Variants in CLEC16A observed in about 807,000 individuals in gnomAD.
CLEC16A encodes C-type lectin domain containing 16A, also known as protein CLEC16A.
Under a neutral mutation model 109.5 loss-of-function variants are expected in CLEC16A, and 51 were observed. That is an observed-to-expected ratio of 0.47 (90% CI 0.37 to 0.59). The LOEUF (loss-of-function observed/expected upper bound fraction) is 0.59, where lower values mean the gene tolerates loss of function less well. Among genes scored for constraint, CLEC16A ranks in the 20% least tolerant of loss-of-function variants. The pLI is 0.00. For synonymous variants in CLEC16A, 673 were observed against 564.2 expected (o/e 1.19, Z -2.73); for missense variants, 1,339 against 1,394.0 (o/e 0.96, Z 0.63).
intron 19 of CLEC16A, among the ~76,000 whole-genome samples, chr16:11,102,047 G>T (rs1252314436): frequency 6.8e-6 from 1 of 147,794 alleles, no homozygotes; most frequent in African/African-American, 2.5e-5. Context: ...TCTTGGGCTT[G>T]AGCAATCTGC....
chr16:10,971,008 A>ATTTT (rs35498388), intron 4 of CLEC16A, 117 bp from the exon 5 acceptor site: 23 of 506,952 alleles, frequency 4.5e-5, no homozygotes, highest in South Asian at 1.5e-4. Context: ...CATTGGCAAC[A>ATTTT]TTTTTTTTTT....
chr16:10,983,303 A>G (rs949074205), intron 10 of CLEC16A, among the ~76,000 whole-genome samples: 1 of 152,206 alleles, frequency 6.6e-6, no homozygotes, highest in Non-Finnish European at 1.5e-5. Flanking sequence ...AGAGGAACTA[A>G]TGTCTACAGA....
intron 19 of CLEC16A, among the ~76,000 whole-genome samples, chr16:11,110,085 C>A (rs755632852): frequency 6.6e-6 from 1 of 152,178 alleles, no homozygotes; most frequent in Non-Finnish European, 1.5e-5. Context: ...TGGGCTACAG[C>A]CTGTCAGAGG....
chr16:10,955,859 G>A (rs375344118), intron 1 of CLEC16A, among the ~76,000 whole-genome samples: 62 of 152,308 alleles, frequency 4.1e-4, no homozygotes, highest in African/African-American at 1.5e-3. Context: ...GGAGTGGTGC[G>A]GTGACTGTCA....
intron 22 of CLEC16A, among the ~76,000 whole-genome samples, chr16:11,145,651 C>CATACGAAG (rs2054021871): frequency 6.6e-6 from 1 of 152,254 alleles, no homozygotes; most frequent in Non-Finnish European, 1.5e-5. Context: ...GGGCTGTGCC[C>CATACGAAG]CCATCAGTCT....
At chr16:11,158,025 C>G (rs1223490051) in intron 22 of CLEC16A, among the ~76,000 whole-genome samples, 1 of 152,148 alleles carries the variant, frequency 6.6e-6, no homozygotes, top group African/African-American at 2.4e-5. Flanking sequence ...AAGTCCCAGA[C>G]TTAGTCACCT....
chr16:11,119,329 A>G (rs1191500308), intron 19 of CLEC16A, among the ~76,000 whole-genome samples: 1 of 152,174 alleles, frequency 6.6e-6, no homozygotes, highest in Non-Finnish European at 1.5e-5. Flanking sequence ...TACCAGTACC[A>G]TGCTGTGTTG....
At chr16:10,950,238 A>G (rs1251970177) in intron 1 of CLEC16A, among the ~76,000 whole-genome samples, 3 of 152,074 alleles carry the variant, frequency 2.0e-5, no homozygotes, top group Admixed American at 6.6e-5. Context: ...TTTTCTCCCA[A>G]TTTGAACATA....
chr16:10,986,724 A>G (rs2043680829), intron 10 of CLEC16A, among the ~76,000 whole-genome samples: 1 of 95,736 alleles, frequency 1.0e-5, no homozygotes, highest in Non-Finnish European at 2.0e-5. Flanking sequence ...TATTTCTTTA[A>G]GGCTCAATGT....
intron 19 of CLEC16A, among the ~76,000 whole-genome samples, chr16:11,086,593 A>G (rs1489267321): frequency 6.6e-6 from 1 of 152,040 alleles, no homozygotes; most frequent in Non-Finnish European, 1.5e-5. Context: ...CCCAGGCTGG[A>G]GTGCAGTGTC....
At chr16:10,959,906 C>A (rs2042177693) in intron 2 of CLEC16A, among the ~76,000 whole-genome samples, 1 of 152,028 alleles carries the variant, frequency 6.6e-6, no homozygotes, top group Admixed American at 6.6e-5. Context: ...AGCTACTGCA[C>A]CCTGCCTAGA....
intron 22 of CLEC16A, among the ~76,000 whole-genome samples, chr16:11,136,905 C>T (rs991332091): frequency 3.9e-5 from 6 of 152,236 alleles, no homozygotes; most frequent in African/African-American, 1.2e-4. Context: ...TGTCATTCCT[C>T]AGTGCCCAGT....
In CLEC16A at chr16:11,123,768, C is replaced by T. The variant is rs145100064; in HGVS notation, c.2295C>T (p.Asp765=). ...LQDMQVTGVE[D]DSRALNITIH... is the part of the protein sequence containing the mutation. ...ACATGCAGGTGACTGGCGTGGAGGA[C>T]GACAGCCGTGCCCTGAACATCACCA... is the stretch of plus-strand genomic sequence containing the variant. The change falls in exon 21 of 24, where the codon GAC becomes GAT. Residue 765 remains aspartate (D), a synonymous_variant. Coordinates refer to ENST00000409790, the MANE Select transcript of CLEC16A (RefSeq NM_015226.3). The T allele has an allele frequency of 2.5e-5, 40 of 1,613,914 alleles. No individual in the cohort carries two copies. Among genetic ancestry groups the T allele is most frequent in the Admixed American group, 5.0e-5 (3 of 60,012 alleles).
intron 22 of CLEC16A, chr16:11,126,390 C>G (rs553191607): frequency 7.0e-7 from 1 of 1,437,268 alleles, no homozygotes; most frequent in South Asian, 1.5e-5. Flanking sequence ...TGTGGAAGAA[C>G]TTCTCAGAAT....
intron 10 of CLEC16A, among the ~76,000 whole-genome samples, chr16:10,991,753 G>A (rs1391099566): frequency 6.6e-6 from 1 of 152,210 alleles, no homozygotes; most frequent in Non-Finnish European, 1.5e-5. Context: ...ATCCGGTCTT[G>A]GCCAGTGTCA....
At position 11,178,673 on chromosome 16, in the gene CLEC16A, G is replaced by A; in HGVS notation, c.3145G>A (p.Gly1049Ser). 1.3e-6 allele frequency: 2 copies of A among 1,522,648 alleles called. No homozygotes were observed. Among genetic ancestry groups the A allele is most frequent in the East Asian group, 4.8e-5 (2 of 41,616 alleles). The allele number at this position is 1,522,648 out of a possible 1,614,324, so 94.3% of individuals were successfully genotyped here. A position where few individuals can be genotyped will look rare whatever the true frequency, so the allele number is the denominator to read the frequency against. Reference sequence around the variant, plus strand: ...AGAGGCTGCATGTGCTGAGCCTGTGGGCACCGCTGAGGACTGAGTCAGTGC... The same window carrying A: ...AGAGGCTGCATGTGCTGAGCCTGTGAGCACCGCTGAGGACTGAGTCAGTGC... ...GEEAACAEPV[G>S]TAED Residue 1049 changes from glycine to serine, a missense_variant, in exon 24 of 24, where the codon GGC becomes AGC. Around this residue, in one of 3 missense-constraint regions of CLEC16A, gnomAD observed 1,061 missense variants for 1,006.8 expected, o/e 1.05. Transcript: ENST00000409790. The surrounding 1 kb of genome is among the most constrained non-coding windows in gnomAD (Gnocchi z 6.5).
chr16:11,001,388 C>A (rs368272411), intron 10 of CLEC16A, among the ~76,000 whole-genome samples: 2 of 152,274 alleles, frequency 1.3e-5, no homozygotes, highest in South Asian at 4.1e-4. Context: ...CCTGGCCTTC[C>A]TCTTTAAAGA....
intron 22 of CLEC16A, among the ~76,000 whole-genome samples, chr16:11,131,992 G>C (rs192695158): frequency 6.6e-6 from 1 of 152,156 alleles, no homozygotes; most frequent in South Asian, 2.1e-4. Context: ...TCAGGGCTCT[G>C]CTCCGATACC....
intron 12 of CLEC16A, among the ~76,000 whole-genome samples, chr16:11,023,188 G>A (rs1223664386): frequency 7.4e-6 from 1 of 135,776 alleles, no homozygotes; most frequent in African/African-American, 2.8e-5. Context: ...CTATAATTTT[G>A]TATTCTTTTT....
Sources: gnomAD v4.1 joint callset for allele counts (sites outside exome capture counted in the v4.1 genomes callset) on GRCh38, gnomAD v4.1.1 for gene constraint, gnomAD v4.1.1 regional missense constraint, Gnocchi (gnomAD v3.1) non-coding constraint, MANE v1.5 for transcripts, NCBI Gene and HGNC (gene_info 2026-07-23, HGNC 2026-07-21) for gene names.